Variants in NALF1 observed in about 807,000 individuals in gnomAD.
NALF1 encodes the protein family with sequence similarity 155 member A.
In NALF1, 3 loss-of-function variants were observed where a neutral mutation model predicts 48.4. That is an observed-to-expected ratio of 0.06 (90% CI 0.03 to 0.16). The LOEUF (loss-of-function observed/expected upper bound fraction) is 0.16. Ranked by LOEUF, NALF1 falls within the 10% of genes least tolerant of loss-of-function variation. NALF1 has a pLI of 1.00. For synonymous variants in NALF1, 262 were observed against 245.7 expected, an observed-to-expected ratio of 1.07 and a Z score of -0.62; for missense variants, 526 against 571.5, an observed-to-expected ratio of 0.92 and a Z score of 0.81.
chr13:107,249,625 C>G (rs1321785892), intron 1 of NALF1, among the ~76,000 whole-genome samples: 3 of 147,900 alleles, frequency 2.0e-5, no homozygotes, highest in African/African-American at 7.5e-5. Flanking sequence ...GAGAGATGGC[C>G]AAAACTATTT....
chr13:107,281,874 T>C (rs1183427957), intron 1 of NALF1, among the ~76,000 whole-genome samples: 1 of 152,170 alleles, frequency 6.6e-6, no homozygotes, highest in Non-Finnish European at 1.5e-5. Flanking sequence ...TCAGATCTTA[T>C]GAGAATTCAC....
intron 1 of NALF1, among the ~76,000 whole-genome samples, chr13:107,239,065 T>C (rs772385777): frequency 6.6e-5 from 10 of 152,034 alleles, no homozygotes; most frequent in Non-Finnish European, 1.2e-4. Flanking sequence ...GGTGGAATAA[T>C]TTACAGAAGG....
intron 1 of NALF1, among the ~76,000 whole-genome samples, chr13:107,310,460 T>G (rs995434275): frequency 2.0e-5 from 3 of 151,794 alleles, no homozygotes; most frequent in Non-Finnish European, 4.4e-5. Context: ...AAATAAGTAG[T>G]TTTATTTTCA....
chr13:107,288,466 C>G (rs554885702), intron 1 of NALF1, among the ~76,000 whole-genome samples: 2 of 151,326 alleles, frequency 1.3e-5, no homozygotes, highest in Non-Finnish European at 2.9e-5. Context: ...GTGATTCACC[C>G]GCCTCAACCT....
chr13:107,714,626 T>TTAAAAAAAAAA (rs1555320362), intron 1 of NALF1, among the ~76,000 whole-genome samples: 16 of 126,474 alleles, frequency 1.3e-4, no homozygotes, highest in African/African-American at 4.6e-4. Context: ...GAGGCTTTAT[T>TTAAAAAAAAAA]AAAAAAAAAA....
At chr13:107,715,255 T>G (rs1875717174) in intron 1 of NALF1, among the ~76,000 whole-genome samples, 2 of 151,910 alleles carry the variant, frequency 1.3e-5, no homozygotes, top group South Asian at 4.1e-4. Context: ...CAGGCTGGAG[T>G]GCAGTGGCAT....
intron 1 of NALF1, among the ~76,000 whole-genome samples, chr13:107,586,635 A>ATTTT (rs61429641): frequency 0.22 from 20,223 of 93,270 alleles, 4,401 homozygotes; most frequent in Middle Eastern, 0.29. Context: ...CCCTATGGAG[A>ATTTT]TTTTTTTTTT....
chr13:107,588,936 C>T lies in NALF1; in HGVS notation c.915+276746G>A, dbSNP rs186801077. Among the ~76,000 whole-genome samples, 7 of 152,188 alleles carry T rather than the reference C, an allele frequency of 4.6e-5. No homozygotes were observed. In the East Asian group the frequency reaches 1.4e-3, roughly 29 times the overall value. ...CATTTGAAAATGCTGAAATGATCAA[C>T]TTTGTCAAAGGTTAAGACACATTTC... On this transcript the variant is annotated intron_variant, in intron 1 of 2. Coordinates refer to ENST00000375915, the MANE Select transcript of NALF1 (RefSeq NM_001080396.3).
chr13:107,686,423 G>C (rs7318064), intron 1 of NALF1, among the ~76,000 whole-genome samples: 1 of 151,766 alleles, frequency 6.6e-6, no homozygotes, highest in South Asian at 2.1e-4. Context: ...TGAGACGGAG[G>C]CTCACTCTGT....
Position 107,511,092 on chromosome 13 carries a change from G to A in NALF1, c.916-300337C>T, listed in dbSNP as rs547471706. Among the ~76,000 whole-genome samples the A allele has an allele frequency of 2.6e-5, 4 of 152,214 alleles. No homozygotes were observed. The East Asian group carries it at 5.8e-4, about 22-fold the overall frequency. On this transcript the variant is annotated intron_variant, in intron 1 of 2. Transcript: ENST00000375915. ...CCTGAGATGTCCCATGCTTTCCCACGCTGGGTTCCTCTTTGCTGCTGCAGA... is the reference window on the plus strand; with the variant it reads ...CCTGAGATGTCCCATGCTTTCCCACACTGGGTTCCTCTTTGCTGCTGCAGA...
At chr13:107,246,641 A>AT (rs1880591769) in intron 1 of NALF1, among the ~76,000 whole-genome samples, 1 of 152,200 alleles carries the variant, frequency 6.6e-6, no homozygotes, top group Non-Finnish European at 1.5e-5. Context: ...GATCAAGAAC[A>AT]TTTTTCTATT....
At position 107,302,607 on chromosome 13, in the gene NALF1, G is replaced by A. The variant is rs768209646; in HGVS notation, c.916-91852C>T. Among the ~76,000 whole-genome samples the A allele has an allele frequency of 3.9e-4, 60 of 152,218 alleles. 1 individual carries two copies. The highest frequency in any genetic ancestry group is 4.4e-4 in the Non-Finnish European group (30 of 68,006). On this transcript the variant is annotated intron_variant, in intron 1 of 2. Transcript: ENST00000375915. The stretch of plus-strand genomic sequence containing the variant: ...ATATCAGTTTAGCATCTAGCAAAGA[G>A]AATGAGATCTGGTGAAGACCTCAAA...
chr13:107,497,214 T>G (rs1485755725), intron 1 of NALF1, among the ~76,000 whole-genome samples: 1 of 152,140 alleles, frequency 6.6e-6, no homozygotes, highest in African/African-American at 2.4e-5. Flanking sequence ...TCTCAGAACA[T>G]GAATGAATAT....
chr13:107,260,188 A>C (rs1880902617), intron 1 of NALF1, among the ~76,000 whole-genome samples: 1 of 152,098 alleles, frequency 6.6e-6, no homozygotes, highest in Non-Finnish European at 1.5e-5. Flanking sequence ...CATCCCACAG[A>C]CTCCAGTTAA....
At chr13:107,263,935 T>C (rs1241180144) in intron 1 of NALF1, among the ~76,000 whole-genome samples, 1 of 152,178 alleles carries the variant, frequency 6.6e-6, no homozygotes, top group African/African-American at 2.4e-5. Flanking sequence ...CTCACAGCAA[T>C]AGCTGATGCC....
At chr13:107,683,575 G>T (rs534318920) in intron 1 of NALF1, among the ~76,000 whole-genome samples, 1 of 152,200 alleles carries the variant, frequency 6.6e-6, no homozygotes, top group African/African-American at 2.4e-5. Context: ...AGCCTGCAGT[G>T]GGGACGGAGA....
intron 1 of NALF1, among the ~76,000 whole-genome samples, chr13:107,857,216 A>G (rs377036572): frequency 3.9e-5 from 6 of 152,212 alleles, no homozygotes; most frequent in African/African-American, 1.4e-4. Context: ...GACATCAAGG[A>G]TATCTGTTAC....
intron 1 of NALF1, among the ~76,000 whole-genome samples, chr13:107,709,937 T>C (rs533490764): frequency 9.2e-5 from 14 of 152,262 alleles, no homozygotes; most frequent in African/African-American, 3.4e-4. Flanking sequence ...TCAGATTTAA[T>C]TGGAAAGAGC....
chr13:107,446,346 GAGA>G, intron 1 of NALF1, among the ~76,000 whole-genome samples: 1 of 152,000 alleles, frequency 6.6e-6, no homozygotes, highest in East Asian at 1.9e-4. Flanking sequence ...CAACAAGGAA[GAGA>G]AGTAGCAAGA....
Sources: allele counts gnomAD v4.1 joint callset (sites outside exome capture counted in the v4.1 genomes callset), GRCh38; gene constraint gnomAD v4.1.1; transcripts MANE v1.5; gene names NCBI Gene and HGNC (gene_info 2026-07-23, HGNC 2026-07-21).